Variants in ERC2 observed in about 807,000 individuals in gnomAD.
The protein encoded by ERC2 is ELKS/RAB6-interacting/CAST family member 2.
A neutral mutation model predicts 114.8 loss-of-function variants in ERC2; 42 were observed. The observed-to-expected ratio is 0.37, with a 90% confidence interval of 0.29 to 0.47. ERC2 has a LOEUF of 0.47. ERC2 is among the 20% of genes least tolerant of loss of function. The pLI is 0.99. For synonymous variants in ERC2, 454 were observed against 425.5 expected (o/e 1.07, Z -0.82); for missense variants, 939 against 1,150.7 (o/e 0.82, Z 2.66).
At chr3:55,654,269 T>G (rs954833156) in intron 17 of ERC2, among the ~76,000 whole-genome samples, 3 of 152,236 alleles carry the variant, frequency 2.0e-5, no homozygotes, top group African/African-American at 7.2e-5. Context: ...ATGCTCAGCA[T>G]TTCAGAAGGT....
At chr3:56,040,978 C>T (rs2075158569) in intron 7 of ERC2, among the ~76,000 whole-genome samples, 1 of 151,784 alleles carries the variant, frequency 6.6e-6, no homozygotes, top group Non-Finnish European at 1.5e-5. Context: ...TTTTCCACTT[C>T]TTAAATGAAC....
rs568006295 is a variant in ERC2, at chr3:56,227,095, G to T, written c.1075-53575C>A. ...ATCATTCCCCCACTGGCCCTGCTTG[G>T]ATTCCAAGTCACTCATCATAACCAC... On this transcript the variant is annotated intron_variant, in intron 3 of 17. Coordinates refer to ENST00000288221, the MANE Select transcript of ERC2 (RefSeq NM_015576.3). 2.0e-5 allele frequency among the ~76,000 whole-genome samples: 3 copies of T among 151,998 alleles called. No homozygotes were observed. The South Asian group carries it at 6.2e-4, about 32-fold the overall frequency.
chr3:55,711,437 A>T (rs1378191645), intron 15 of ERC2, among the ~76,000 whole-genome samples: 1 of 152,198 alleles, frequency 6.6e-6, no homozygotes, highest in Non-Finnish European at 1.5e-5. Flanking sequence ...GCACAGACAC[A>T]CATACTTACC....
intron 3 of ERC2, among the ~76,000 whole-genome samples, chr3:56,237,360 A>C (rs1383230650): frequency 1.3e-5 from 2 of 152,156 alleles, no homozygotes; most frequent in Admixed American, 1.3e-4. Flanking sequence ...TTTCATCTTT[A>C]CTATGAAGCA....
At chr3:56,071,153 G>A (rs947249706) in intron 7 of ERC2, among the ~76,000 whole-genome samples, 1 of 152,296 alleles carries the variant, frequency 6.6e-6, no homozygotes, top group Admixed American at 6.5e-5. Context: ...GTACCTTTGA[G>A]GCAGCCAGCT....
rs142767032 is a variant in ERC2 at position 55,828,063 on chromosome 3, G to A, written c.2564+60326C>T. Among the ~76,000 whole-genome samples, 504 of 152,312 alleles carry A rather than the reference G, an allele frequency of 3.3e-3. 3 individuals are homozygous for A. The highest frequency in any genetic ancestry group is 0.011 in the African/African-American group (475 of 41,576). Reference sequence around the variant, plus strand: ...CACTGTCGTGCTACCAACTGTGACCGTCTGGAAAAATCACGTAAGTACAAA... The same window carrying A: ...CACTGTCGTGCTACCAACTGTGACCATCTGGAAAAATCACGTAAGTACAAA... On this transcript the variant is annotated intron_variant, in intron 14 of 17. Transcript: ENST00000288221.
chr3:56,012,376 C>G (rs1054518218), intron 8 of ERC2, among the ~76,000 whole-genome samples: 2 of 152,148 alleles, frequency 1.3e-5, no homozygotes, highest in African/African-American at 4.8e-5. Flanking sequence ...TCACGTGGCA[C>G]TTATTCCCAC....
In ERC2 at chr3:55,509,138, T is replaced by G. The variant is rs1239642594; in HGVS notation, c.*2178A>C. 2.6e-5 allele frequency: 4 copies of G among 152,626 alleles called. No individual in the cohort carries two copies. Among genetic ancestry groups the G allele is most frequent in the Non-Finnish European group, 4.4e-5 (3 of 68,042 alleles). 9.5% of individuals were successfully genotyped at this position (152,626 alleles called of 1,614,324 possible). On this transcript the variant is annotated 3_prime_UTR_variant, in exon 18 of 18. Coordinates refer to ENST00000288221, the MANE Select transcript of ERC2 (RefSeq NM_015576.3). ...TCATAAAGGTAAGATCAGTAATATT[T>G]TAACCAATGAAAGTTGGGCAGAAAA...
intron 13 of ERC2, among the ~76,000 whole-genome samples, chr3:55,898,554 C>T (rs752274877): frequency 5.3e-5 from 8 of 152,054 alleles, no homozygotes; most frequent in Non-Finnish European, 1.0e-4. Context: ...CTGCACCTTC[C>T]GGAGACCTTG....
intron 4 of ERC2, among the ~76,000 whole-genome samples, chr3:56,162,032 G>T (rs769474071): frequency 1.3e-5 from 2 of 152,044 alleles, no homozygotes; most frequent in Non-Finnish European, 2.9e-5. Context: ...GTCATAGATG[G>T]CTCTTATTAT....
chr3:55,772,735 A>C (rs1468064438), intron 14 of ERC2, among the ~76,000 whole-genome samples: 1 of 152,168 alleles, frequency 6.6e-6, no homozygotes, highest in Non-Finnish European at 1.5e-5. Context: ...CAAATTTGCC[A>C]AGATGAAGAG....
intron 15 of ERC2, among the ~76,000 whole-genome samples, chr3:55,713,428 G>T (rs1384563396): frequency 6.6e-6 from 1 of 151,976 alleles, no homozygotes; most frequent in Non-Finnish European, 1.5e-5. Context: ...TGTTGGCCAG[G>T]CTGGTCTCGA....
chr3:56,296,489 A>G, intron 2 of ERC2, 54 bp from the exon 3 acceptor site: 1 of 1,531,640 alleles, frequency 6.5e-7, no homozygotes, highest in Non-Finnish European at 8.8e-7. Flanking sequence ...AAAGTCAATG[A>G]AAATGTCAAG....
At chr3:56,390,227 A>G (rs4246674) in intron 2 of ERC2, among the ~76,000 whole-genome samples, 1 of 151,982 alleles carries the variant, frequency 6.6e-6, no homozygotes, top group African/African-American at 2.4e-5. Flanking sequence ...TGCATAAAAT[A>G]CCCATCACTC....
At chr3:55,793,931 G>C (rs1390064407) in intron 14 of ERC2, among the ~76,000 whole-genome samples, 1 of 152,184 alleles carries the variant, frequency 6.6e-6, no homozygotes, top group Non-Finnish European at 1.5e-5. Flanking sequence ...CCTAGATATA[G>C]AAATAGTGCC....
chr3:55,589,732 C>T (rs1437108601), intron 17 of ERC2, among the ~76,000 whole-genome samples: 1 of 151,948 alleles, frequency 6.6e-6, no homozygotes, highest in Non-Finnish European at 1.5e-5. Context: ...AAAGTCCCAG[C>T]AGGAGACAGG....
At chr3:55,994,765 T>C (rs9809605) in intron 10 of ERC2, among the ~76,000 whole-genome samples, 58,353 of 151,620 alleles carry the variant, frequency 0.38, 11,592 homozygotes, top group Middle Eastern at 0.53. Flanking sequence ...AAAAGATGAT[T>C]ATTCAACGCC....
intron 17 of ERC2, among the ~76,000 whole-genome samples, chr3:55,558,717 G>C (rs1461265135): frequency 1.3e-5 from 2 of 152,180 alleles, no homozygotes; most frequent in Admixed American, 1.3e-4. Context: ...CTGCAATGCT[G>C]TTTTCTGAGA....
intron 6 of ERC2, among the ~76,000 whole-genome samples, chr3:56,097,958 A>T (rs1354131140): frequency 6.6e-6 from 1 of 152,216 alleles, no homozygotes; most frequent in Non-Finnish European, 1.5e-5. Context: ...CTTGGATTGC[A>T]AACAAAAAAT....
Sources: gnomAD v4.1 joint callset for allele counts (sites outside exome capture counted in the v4.1 genomes callset) on GRCh38, gnomAD v4.1.1 for gene constraint, MANE v1.5 for transcripts, NCBI Gene and HGNC (gene_info 2026-07-23, HGNC 2026-07-21) for gene names.